Variants in GLI2 observed in about 807,000 individuals in gnomAD.
GLI2 encodes the protein GLI family zinc finger 2.
GLI2 carries 22 observed loss-of-function variants against 78.9 expected under a neutral mutation model. That is an observed-to-expected ratio of 0.28 (90% CI 0.20 to 0.40). The LOEUF is 0.40. Ranked by LOEUF, GLI2 falls within the 10% of genes least tolerant of loss-of-function variation. GLI2 has a pLI of 1.00. For synonymous variants in GLI2, 974 were observed against 963.7 expected, an observed-to-expected ratio of 1.01 and a Z score of -0.20; for missense variants, 2,097 against 2,213.2, an observed-to-expected ratio of 0.95 and a Z score of 1.05.
intron 2 of GLI2, among the ~76,000 whole-genome samples, chr2:120,915,667 C>T (rs1347824142): frequency 1.3e-5 from 2 of 152,182 alleles, no homozygotes; most frequent in Non-Finnish European, 2.9e-5. Flanking sequence ...CACCTGGGCT[C>T]ACGTGGCTGA....
rs6728598 is a variant in GLI2, at chr2:120,970,177, A to G, written c.846-216A>G. 0.84 allele frequency among the ~76,000 whole-genome samples: 127,674 copies of G among 152,080 alleles called. 57,379 individuals are homozygous for G. The highest frequency in any genetic ancestry group is 1 in the East Asian group (5,139 of 5,142). Reference sequence around the variant, plus strand: ...AGCCAGCCTGCCAGGGGTGAAGTCTACATCCTGGGGCAGAACCTGGGAGCT... The same window carrying G: ...AGCCAGCCTGCCAGGGGTGAAGTCTGCATCCTGGGGCAGAACCTGGGAGCT... On this transcript the variant is annotated intron_variant, in intron 6 of 13. Coordinates refer to ENST00000361492, the MANE Select transcript of GLI2 (RefSeq NM_001374353.1).
intron 2 of GLI2, among the ~76,000 whole-genome samples, chr2:120,854,318 C>T (rs1687545565): frequency 1.3e-5 from 2 of 152,180 alleles, no homozygotes; most frequent in South Asian, 4.2e-4. Context: ...GTCAGTTCAC[C>T]TCCATCCTCT....
At chr2:120,962,255 G>A (rs1681603308) in intron 5 of GLI2, among the ~76,000 whole-genome samples, 1 of 152,126 alleles carries the variant, frequency 6.6e-6, no homozygotes, top group Non-Finnish European at 1.5e-5. Flanking sequence ...ACTGCCTCAG[G>A]GAAAACAATG....
intron 5 of GLI2, among the ~76,000 whole-genome samples, chr2:120,964,536 G>T (rs541371185): frequency 1.3e-5 from 2 of 152,276 alleles, no homozygotes; most frequent in South Asian, 4.1e-4. Flanking sequence ...TTTGAGAGGC[G>T]TTCACGAGCC....
chr2:120,799,513 C>T (rs1684584473), intron 2 of GLI2, among the ~76,000 whole-genome samples: 1 of 152,204 alleles, frequency 6.6e-6, no homozygotes, highest in Admixed American at 6.5e-5. Flanking sequence ...GAAGGGTCCT[C>T]CTGGAGTCAG....
intron 2 of GLI2, among the ~76,000 whole-genome samples, chr2:120,841,251 T>C (rs540632410): frequency 1.3e-5 from 2 of 152,318 alleles, no homozygotes; most frequent in South Asian, 4.2e-4. Context: ...GCGTCTGCCT[T>C]ATTCCAAAAT....
In GLI2 at chr2:120,955,356, AC is replaced by A. The variant is rs773014279; in HGVS notation, c.570del (p.Tyr190Ter). On this transcript the variant is annotated frameshift_variant, in exon 5 of 14. Coordinates refer to ENST00000361492, the MANE Select transcript of GLI2 (RefSeq NM_001374353.1). LOFTEE classifies it high-confidence loss of function. ...CTCGTGGCAGGCCACCCCGCGCCCT[AC>A]GGGGACCTGCTGATGCAGAGCGGGG... ...MTLVAGHPAP[Y>X]GDLLMQSGGA... is the part of the protein sequence containing the mutation. 6.2e-7 allele frequency: 1 copy of A among 1,613,150 alleles called. No individual in the cohort carries two copies. Among genetic ancestry groups the A allele is most frequent in the Non-Finnish European group, 8.5e-7 (1 of 1,179,530 alleles).
Position 120,975,665 on chromosome 2 carries a change from C to T in GLI2, c.1317+556C>T, listed in dbSNP as rs969552498. Reference sequence around the variant, plus strand: ...CTTAACAGTGCCTGAGTACTGACAGCTCAGGTGATTAGAGATGACCATGGG... The same window carrying T: ...CTTAACAGTGCCTGAGTACTGACAGTTCAGGTGATTAGAGATGACCATGGG... On this transcript the variant is annotated intron_variant, in intron 9 of 13. Coordinates refer to ENST00000361492, the MANE Select transcript of GLI2 (RefSeq NM_001374353.1). Among the ~76,000 whole-genome samples the T allele has an allele frequency of 3.8e-4, 58 of 152,282 alleles. 1 individual carries two copies. The highest frequency in any genetic ancestry group is 1.3e-3 in the African/African-American group (55 of 41,568).
intron 2 of GLI2, among the ~76,000 whole-genome samples, chr2:120,905,956 C>T (rs751924401): frequency 3.3e-5 from 5 of 151,984 alleles, no homozygotes; most frequent in Admixed American, 2.6e-4. Flanking sequence ...CGTTGGGCTC[C>T]GGTTACCTGC....
chr2:120,938,402 G>GA (rs1195886103), intron 3 of GLI2, among the ~76,000 whole-genome samples: 1 of 152,218 alleles, frequency 6.6e-6, no homozygotes, highest in Non-Finnish European at 1.5e-5. Context: ...GCTCCCAGGG[G>GA]AAAACTGATA....
chr2:120,899,509 C>A (rs1678150011), intron 2 of GLI2, among the ~76,000 whole-genome samples: 1 of 152,336 alleles, frequency 6.6e-6, no homozygotes, highest in African/African-American at 2.4e-5. Flanking sequence ...TGCCCCGAGC[C>A]TGCTCCTAGC....
At chr2:120,935,039 A>T (rs750091222) in intron 3 of GLI2, among the ~76,000 whole-genome samples, 7 of 152,202 alleles carry the variant, frequency 4.6e-5, no homozygotes, top group Non-Finnish European at 8.8e-5. Flanking sequence ...GATTCTTGGC[A>T]CAGCACCCGA....
chr2:120,978,440 A>C lies in GLI2; in HGVS notation c.1324A>C (p.Asn442His). The stretch of plus-strand genomic sequence containing the variant: ...GGGCATGTCCCTCCGGCAGCACATC[A>C]ACAACGAGCACATCCACGGGGAGAA... ...DTQEQLVHHI[N>H]NEHIHGEKKE... Residue 442 changes from asparagine to histidine, a missense_variant, in exon 10 of 14, where the codon AAC becomes CAC. Transcript: ENST00000361492. 6.2e-7 allele frequency: 1 copy of C among 1,614,156 alleles called. No individual in the cohort carries two copies. The highest frequency in any genetic ancestry group is 8.5e-7 in the Non-Finnish European group (1 of 1,180,012).
chr2:120,737,763 A>G lies in GLI2; in HGVS notation c.-31+1478A>G, dbSNP rs1049717357. 6.6e-6 allele frequency among the ~76,000 whole-genome samples: 1 copy of G among 152,400 alleles called. No homozygotes were observed. Among genetic ancestry groups the G allele is most frequent in the Non-Finnish European group, 1.5e-5 (1 of 68,044 alleles). On this transcript the variant is annotated intron_variant, in intron 1 of 13. Coordinates refer to ENST00000361492, the MANE Select transcript of GLI2 (RefSeq NM_001374353.1). This position sits in a 1 kb window ranked among gnomAD's most constrained non-coding sequence, Gnocchi z 4.3. ...GGGGGATGTAGGAGAATTTGAAAGTAAACGTTTCCCTCGCAAGCAGCATAA... is the reference window on the plus strand; with the variant it reads ...GGGGGATGTAGGAGAATTTGAAAGTGAACGTTTCCCTCGCAAGCAGCATAA...
At chr2:120,835,939 G>T (rs1686590955) in intron 2 of GLI2, among the ~76,000 whole-genome samples, 1 of 152,144 alleles carries the variant, frequency 6.6e-6, no homozygotes, top group South Asian at 2.1e-4. Flanking sequence ...ATGTCAAGGT[G>T]GGGGATGTTC....
At chr2:120,955,218 G>A (rs760015145) in intron 4 of GLI2, 27 bp from the exon 5 acceptor site, 3 of 1,369,722 alleles carry the variant, frequency 2.2e-6, no homozygotes, top group Non-Finnish European at 3.1e-6. Flanking sequence ...GGTTCTGACG[G>A]CTTCTTTCTC....
rs989901250 is a variant in GLI2, at chr2:120,819,257, T to C, written c.148+21789T>C. On this transcript the variant is annotated intron_variant, in intron 2 of 13. Coordinates refer to ENST00000361492, the MANE Select transcript of GLI2 (RefSeq NM_001374353.1). ...AATAGAGATTTTTTTTTTTTTTTTT[T>C]TTGAGATGGAGTCACTCTGTTGTCC... Among the ~76,000 whole-genome samples, 327 of 150,278 alleles carry C rather than the reference T, an allele frequency of 2.2e-3. 1 individual carries two copies. The highest frequency in any genetic ancestry group is 7.3e-3 in the African/African-American group (296 of 40,632).
In GLI2 at chr2:120,896,672, C is replaced by A. The variant is rs1335752283; in HGVS notation, c.149-30689C>A. On this transcript the variant is annotated intron_variant, in intron 2 of 13. Coordinates refer to ENST00000361492, the MANE Select transcript of GLI2 (RefSeq NM_001374353.1). ...ACACACACACACACATACACCCACC[C>A]CCCCACACACTCACACACACCCATA... Among the ~76,000 whole-genome samples, 162 of 141,380 alleles carry A rather than the reference C, an allele frequency of 1.1e-3. 1 individual carries two copies. Among genetic ancestry groups the A allele is most frequent in the African/African-American group, 4.4e-3 (156 of 35,120 alleles). 92.8% of individuals were successfully genotyped at this position (141,380 alleles called of 152,430 possible). A position where few individuals can be genotyped will look rare whatever the true frequency, so the allele number is the denominator to read the frequency against.
At chr2:120,844,272 G>A (rs72971964) in intron 2 of GLI2, among the ~76,000 whole-genome samples, 2 of 152,198 alleles carry the variant, frequency 1.3e-5, no homozygotes, top group African/African-American at 4.8e-5. Context: ...GTGCATGATC[G>A]AGCAGGGCTG....
Sources: allele counts gnomAD v4.1 joint callset (sites outside exome capture counted in the v4.1 genomes callset), GRCh38; gene constraint gnomAD v4.1.1; non-coding constraint Gnocchi (gnomAD v3.1); transcripts MANE v1.5; gene names NCBI Gene and HGNC (gene_info 2026-07-23, HGNC 2026-07-21).